XKR9: variants seen among roughly 807,000 people sequenced by gnomAD.
XKR9 encodes XK-related protein 9.
XKR9 carries 32 observed loss-of-function variants against 32.0 expected under a neutral mutation model. That is an observed-to-expected ratio of 1.00 (90% CI 0.76 to 1.34). The LOEUF (loss-of-function observed/expected upper bound fraction) is 1.34. Among genes scored for constraint, XKR9 ranks in the 40% most tolerant of loss-of-function variants. The pLI is 0.00. For missense variants in XKR9, 546 were observed against 429.7 expected (o/e 1.27, Z -2.39); for synonymous variants, 168 against 143.4 (o/e 1.17, Z -1.22).
chr8:70,673,982 G>T (rs1398150766), intron 1 of XKR9, among the ~76,000 whole-genome samples: 3 of 152,088 alleles, frequency 2.0e-5, no homozygotes, highest in African/African-American at 7.2e-5. Flanking sequence ...TTTCTAGAGG[G>T]TCATAACCAT....
the XKR9 span, among the ~76,000 whole-genome samples, chr8:70,839,347 G>A: frequency 6.6e-6 from 1 of 152,112 alleles, no homozygotes; most frequent in Non-Finnish European, 1.5e-5. Context: ...CGTTGTCCCT[G>A]AAGTCTAGTG....
intron 2 of XKR9, among the ~76,000 whole-genome samples, chr8:70,755,247 A>T (rs183444967): frequency 6.6e-6 from 1 of 152,194 alleles, no homozygotes; most frequent in African/African-American, 2.4e-5. Flanking sequence ...ATCATTAAAA[A>T]GTCAGGAAAC....
the XKR9 span, among the ~76,000 whole-genome samples, chr8:70,921,103 G>C: frequency 4.6e-5 from 7 of 152,196 alleles, no homozygotes; most frequent in African/African-American, 1.2e-4. Context: ...TCCTAATTGT[G>C]GTGGACTATA....
the XKR9 span, among the ~76,000 whole-genome samples, chr8:70,950,822 CA>C: frequency 8.0e-4 from 121 of 152,116 alleles, no homozygotes; most frequent in African/African-American, 2.8e-3. Flanking sequence ...TACAGGCACC[CA>C]CCACCATGCC....
At chr8:70,696,432 A>C (rs934452096) in intron 3 of XKR9, among the ~76,000 whole-genome samples, 1 of 151,592 alleles carries the variant, frequency 6.6e-6, no homozygotes, top group African/African-American at 2.4e-5. Flanking sequence ...CCATTTATTA[A>C]ATAGGGAATC....
the XKR9 span, among the ~76,000 whole-genome samples, chr8:70,810,229 C>G: frequency 6.6e-6 from 1 of 152,152 alleles, no homozygotes; most frequent in Non-Finnish European, 1.5e-5. Context: ...ACTTTACAGA[C>G]AAGCAAATGC....
chr8:70,998,996 T>TC, the XKR9 span, among the ~76,000 whole-genome samples: 1 of 152,174 alleles, frequency 6.6e-6, no homozygotes, highest in African/African-American at 2.4e-5. Flanking sequence ...GAAAAGTTGG[T>TC]CCTCCATATC....
chr8:70,837,463 A>C, the XKR9 span, among the ~76,000 whole-genome samples: 1 of 152,100 alleles, frequency 6.6e-6, no homozygotes, highest in East Asian at 1.9e-4. Context: ...TTTACAGAGC[A>C]ATGAGTTGAA....
chr8:70,984,271 C>A, the XKR9 span, among the ~76,000 whole-genome samples: 2 of 152,340 alleles, frequency 1.3e-5, no homozygotes, highest in Non-Finnish European at 2.9e-5. Flanking sequence ...CTGCTGTCTG[C>A]AGGTCAAGGG....
At chr8:70,891,760 G>A in the XKR9 span, among the ~76,000 whole-genome samples, 1 of 152,006 alleles carries the variant, frequency 6.6e-6, no homozygotes, top group East Asian at 1.9e-4. Flanking sequence ...TTTTGTAAAT[G>A]TCTATTAGGT....
chr8:70,904,341 T>C, the XKR9 span, among the ~76,000 whole-genome samples: 8 of 152,208 alleles, frequency 5.3e-5, no homozygotes, highest in African/African-American at 1.7e-4. Context: ...GAGCTCTTCT[T>C]GTTGAATTGA....
the XKR9 span, among the ~76,000 whole-genome samples, chr8:70,895,161 A>G: frequency 0.06 from 9,072 of 151,828 alleles, 410 homozygotes; most frequent in Non-Finnish European, 0.089. Flanking sequence ...CCCCTTGCTT[A>G]CCTCCTCATT....
the XKR9 span, among the ~76,000 whole-genome samples, chr8:71,065,531 A>G: frequency 6.6e-6 from 1 of 152,372 alleles, no homozygotes; most frequent in African/African-American, 2.4e-5. Context: ...TTGTTACGGC[A>G]GCCCAAGCTG....
At chr8:70,928,891 T>C in the XKR9 span, among the ~76,000 whole-genome samples, 7 of 152,086 alleles carry the variant, frequency 4.6e-5, no homozygotes, top group Non-Finnish European at 1.5e-5. Flanking sequence ...AGAGACAGGG[T>C]GGAAACAATC....
the XKR9 span, among the ~76,000 whole-genome samples, chr8:70,829,175 T>A: frequency 6.6e-6 from 1 of 152,232 alleles, no homozygotes; most frequent in Non-Finnish European, 1.5e-5. Flanking sequence ...GCTTCTGTAC[T>A]TAACAAATGT....
At chr8:70,699,758 G>T (rs909831659) in intron 3 of XKR9, among the ~76,000 whole-genome samples, 6 of 152,150 alleles carry the variant, frequency 3.9e-5, no homozygotes, top group African/African-American at 1.2e-4. Context: ...AGTTCTCCTG[G>T]ATAATATCCT....
the XKR9 span, among the ~76,000 whole-genome samples, chr8:70,974,167 A>AGAATT: frequency 6.6e-6 from 1 of 151,754 alleles, no homozygotes; most frequent in African/African-American, 2.4e-5. Context: ...GTATATATTT[A>AGAATT]GAATTGTGAT....
At chr8:70,924,588 T>C in the XKR9 span, among the ~76,000 whole-genome samples, 1 of 152,192 alleles carries the variant, frequency 6.6e-6, no homozygotes, top group African/African-American at 2.4e-5. Flanking sequence ...TACCTCTCTG[T>C]CTGGATTCTG....
the XKR9 span, among the ~76,000 whole-genome samples, chr8:70,862,453 A>G: frequency 6.6e-6 from 1 of 151,814 alleles, no homozygotes; most frequent in Non-Finnish European, 1.5e-5. Context: ...TATTCTTTGG[A>G]AAAGTTTTTT....
Sources: gnomAD v4.1 joint callset for allele counts (sites outside exome capture counted in the v4.1 genomes callset) on GRCh38, gnomAD v4.1.1 for gene constraint, MANE v1.5 for transcripts, NCBI Gene and HGNC (gene_info 2026-07-23, HGNC 2026-07-21) for gene names.